The following RALYL variants were observed in gnomAD, a reference collection of about 807,000 sequenced individuals.
The protein encoded by RALYL is RNA-binding Raly-like protein.
A neutral mutation model predicts 35.1 loss-of-function variants in RALYL; 29 were observed. The observed-to-expected ratio is 0.83, with a 90% CI of 0.61 to 1.13. RALYL has a LOEUF of 1.13. Ranked by LOEUF, RALYL falls within the 50% of genes most tolerant of loss-of-function variation. RALYL has a pLI of 0.00. For synonymous variants in RALYL, 120 were observed against 127.6 expected (o/e 0.94, Z 0.40); for missense variants, 359 against 360.4 (o/e 1.00, Z 0.03).
intron 2 of RALYL, among the ~76,000 whole-genome samples, chr8:84,535,231 G>A (rs2059517879): frequency 6.6e-6 from 1 of 152,096 alleles, no homozygotes; most frequent in South Asian, 2.1e-4. Flanking sequence ...TCACACAAAT[G>A]GTGGTGCAAG....
chr8:84,800,170 C>T (rs1414950791), intron 3 of RALYL, among the ~76,000 whole-genome samples: 1 of 152,126 alleles, frequency 6.6e-6, no homozygotes, highest in African/African-American at 2.4e-5. Flanking sequence ...TAAAGACAGA[C>T]AATCTGACAG....
At chr8:84,451,606 G>T (rs962417826) in intron 1 of RALYL, among the ~76,000 whole-genome samples, 1 of 151,928 alleles carries the variant, frequency 6.6e-6, no homozygotes, top group Admixed American at 6.6e-5. Context: ...TGATGGAAAA[G>T]TTGCCACTTT....
chr8:84,238,478 A>G (rs1827107418), intron 1 of RALYL, among the ~76,000 whole-genome samples: 1 of 152,148 alleles, frequency 6.6e-6, no homozygotes, highest in Non-Finnish European at 1.5e-5. Context: ...GCACGGTTAA[A>G]TTAACATTTG....
chr8:84,477,564 G>A (rs928805116), intron 1 of RALYL, among the ~76,000 whole-genome samples: 5 of 148,484 alleles, frequency 3.4e-5, no homozygotes, highest in African/African-American at 7.4e-5. Flanking sequence ...ATAAAAATAC[G>A]ATATATATTT....
intron 2 of RALYL, among the ~76,000 whole-genome samples, chr8:84,618,235 G>C (rs1278718657): frequency 1.3e-5 from 2 of 151,652 alleles, no homozygotes; most frequent in Non-Finnish European, 2.9e-5. Context: ...GACTCTTTTT[G>C]GTTGGTAAGC....
At chr8:84,387,717 A>G (rs1859546852) in intron 1 of RALYL, among the ~76,000 whole-genome samples, 1 of 151,534 alleles carries the variant, frequency 6.6e-6, no homozygotes, top group Non-Finnish European at 1.5e-5. Context: ...GCTACCACTC[A>G]GCTCCAGCTC....
At chr8:84,563,476 C>G (rs1189958087) in intron 2 of RALYL, among the ~76,000 whole-genome samples, 2 of 151,826 alleles carry the variant, frequency 1.3e-5, no homozygotes, top group Non-Finnish European at 2.9e-5. Context: ...TAAGTACAGT[C>G]TCTTCTTAGA....
intron 2 of RALYL, among the ~76,000 whole-genome samples, chr8:84,720,748 G>A (rs190077049): frequency 2.0e-5 from 3 of 152,046 alleles, no homozygotes; most frequent in African/African-American, 7.2e-5. Context: ...CATTTAATAA[G>A]GGGTTCATAT....
chr8:84,421,098 C>G (rs1235569107), intron 1 of RALYL, among the ~76,000 whole-genome samples: 23 of 139,492 alleles, frequency 1.6e-4, no homozygotes, highest in Admixed American at 1.2e-3. Context: ...TCATTGGTAG[C>G]TTGATGGGGA....
At chr8:84,231,315 G>A (rs183571554) in intron 1 of RALYL, among the ~76,000 whole-genome samples, 23 of 152,302 alleles carry the variant, frequency 1.5e-4, no homozygotes, top group African/African-American at 4.3e-4. Flanking sequence ...TTTTCAAATT[G>A]ACTGAAGTGA....
chr8:84,425,023 C>G (rs893230894), intron 1 of RALYL, among the ~76,000 whole-genome samples: 2 of 152,148 alleles, frequency 1.3e-5, no homozygotes, highest in African/African-American at 2.4e-5. Context: ...GCCCTGCCCC[C>G]AGAGGTGGAG....
chr8:84,816,327 C>G (rs141905909), intron 4 of RALYL, among the ~76,000 whole-genome samples: 2 of 152,150 alleles, frequency 1.3e-5, no homozygotes, highest in South Asian at 4.1e-4. Context: ...CCAAAGGAAA[C>G]TTTCCACATG....
chr8:84,810,221 C>T (rs536892066), intron 4 of RALYL, among the ~76,000 whole-genome samples: 3 of 152,074 alleles, frequency 2.0e-5, no homozygotes, highest in South Asian at 4.1e-4. Flanking sequence ...TTTAAATTTC[C>T]ATCTTAATTT....
At chr8:84,798,029 C>G (rs1176971168) in intron 3 of RALYL, among the ~76,000 whole-genome samples, 3 of 152,150 alleles carry the variant, frequency 2.0e-5, no homozygotes, top group African/African-American at 7.2e-5. Flanking sequence ...TTCTACACAT[C>G]TAAGGTCCTG....
At chr8:84,297,968 C>T (rs1840077514) in intron 1 of RALYL, among the ~76,000 whole-genome samples, 1 of 152,094 alleles carries the variant, frequency 6.6e-6, no homozygotes, top group South Asian at 2.1e-4. Context: ...CAAATATTTT[C>T]TCCCATTCTG....
chr8:84,337,643 T>A (rs777285310), intron 1 of RALYL, among the ~76,000 whole-genome samples: 2 of 152,154 alleles, frequency 1.3e-5, no homozygotes, highest in Non-Finnish European at 2.9e-5. Flanking sequence ...AAATGGTTTC[T>A]GAGCAGCTGG....
chr8:84,425,729 A>G (rs1456008163), intron 1 of RALYL, among the ~76,000 whole-genome samples: 1 of 151,880 alleles, frequency 6.6e-6, no homozygotes, highest in Non-Finnish European at 1.5e-5. Flanking sequence ...AACATGATCA[A>G]TCCAACAATA....
At chr8:84,237,925 A>AT (rs925664712) in intron 1 of RALYL, among the ~76,000 whole-genome samples, 6 of 151,910 alleles carry the variant, frequency 3.9e-5, no homozygotes, top group East Asian at 1.9e-4. Flanking sequence ...GAGGCCAAAG[A>AT]TTTTTTTTAA....
intron 1 of RALYL, among the ~76,000 whole-genome samples, chr8:84,354,886 T>A (rs1851536891): frequency 6.7e-6 from 1 of 150,350 alleles, no homozygotes; most frequent in Non-Finnish European, 1.5e-5. Context: ...ACAAAATAGC[T>A]CTACCTGGGT....
Sources: gnomAD v4.1 joint callset for allele counts (sites outside exome capture counted in the v4.1 genomes callset) on GRCh38, gnomAD v4.1.1 for gene constraint, MANE v1.5 for transcripts, NCBI Gene and HGNC (gene_info 2026-07-23, HGNC 2026-07-21) for gene names.